Variants in PNKD observed in about 807,000 individuals in gnomAD.
PNKD encodes the protein PNKD metallo-beta-lactamase domain containing.
In PNKD, 36 loss-of-function variants were observed where a neutral mutation model predicts 45.3. The observed-to-expected ratio is 0.80, with a 90% CI of 0.61 to 1.05. The LOEUF is 1.05. Among genes scored for constraint, PNKD ranks in the 50% least tolerant of loss-of-function variants. The pLI is 0.00. For synonymous variants in PNKD, 197 were observed against 210.1 expected (o/e 0.94, Z 0.54); for missense variants, 511 against 506.6 (o/e 1.01, Z -0.08).
Position 218,277,816 on chromosome 2 carries a change from G to T in PNKD, c.236+6267G>T, listed in dbSNP as rs1052782219. On this transcript the variant is annotated intron_variant, in intron 2 of 9. Transcript: ENST00000273077. ...GCCACAGAGGAGATCAGAACAGGCG[G>T]CCCAGATAAGGTGGAGGAGACAGCC... is the stretch of plus-strand genomic sequence containing the variant. The T allele has an allele frequency of 2.7e-5, 41 of 1,542,228 alleles. No individual in the cohort carries two copies. In the Admixed American group the frequency reaches 6.8e-4, roughly 26 times the overall value.
At chr2:218,318,430 G>A (rs1447784406) in intron 2 of PNKD, among the ~76,000 whole-genome samples, 1 of 152,184 alleles carries the variant, frequency 6.6e-6, no homozygotes, top group Admixed American at 6.5e-5. Flanking sequence ...ATTATGAAGC[G>A]CCTGCCGCCA....
chr2:218,282,685 G>A (rs1028578105), intron 2 of PNKD, among the ~76,000 whole-genome samples: 3 of 152,228 alleles, frequency 2.0e-5, no homozygotes, highest in Admixed American at 1.3e-4. Flanking sequence ...GCTCAAAGTG[G>A]AGAGCCGGGG....
rs1033588968 is a variant in PNKD at position 218,279,419 on chromosome 2, G to C, written c.236+7870G>C. ...CCTGGCCTGCCCCAGGAAGCTGCCAGCCCCCAGTACTTTCCTCCCACTCAA... is the reference window on the plus strand; with the variant it reads ...CCTGGCCTGCCCCAGGAAGCTGCCACCCCCCAGTACTTTCCTCCCACTCAA... On this transcript the variant is annotated intron_variant, in intron 2 of 9. Coordinates refer to ENST00000273077, the MANE Select transcript of PNKD (RefSeq NM_015488.5). 5 of 1,444,614 alleles carry C rather than the reference G, an allele frequency of 3.5e-6. No individual in the cohort carries two copies. In the African/African-American group the frequency reaches 5.7e-5, roughly 16 times the overall value. The allele number at this position is 1,444,614 out of a possible 1,614,324, so 89.5% of individuals were successfully genotyped here.
At chr2:218,302,301 T>C (rs1174571809) in intron 2 of PNKD, among the ~76,000 whole-genome samples, 1 of 151,998 alleles carries the variant, frequency 6.6e-6, no homozygotes, top group African/African-American at 2.4e-5. Flanking sequence ...TGAGCTGAGA[T>C]AGCGCCACTG....
intron 2 of PNKD, among the ~76,000 whole-genome samples, chr2:218,314,532 G>A (rs1362870586): frequency 6.6e-6 from 1 of 151,796 alleles, no homozygotes; most frequent in Non-Finnish European, 1.5e-5. Flanking sequence ...CACCATGCCT[G>A]GCTATACTTG....
chr2:218,301,559 G>A (rs1693272245), intron 2 of PNKD, among the ~76,000 whole-genome samples: 2 of 152,208 alleles, frequency 1.3e-5, no homozygotes, highest in African/African-American at 4.8e-5. Context: ...GGCCCAGGCA[G>A]AAGCATGGCT....
chr2:218,308,389 A>C (rs1368741213), intron 2 of PNKD, among the ~76,000 whole-genome samples: 1 of 151,882 alleles, frequency 6.6e-6, no homozygotes, highest in African/African-American at 2.4e-5. Context: ...GGGTTTCACC[A>C]TATTGGCCAG....
rs1046635231 is a variant in PNKD, at chr2:218,279,950, T to A, written c.236+8401T>A. On this transcript the variant is annotated intron_variant, in intron 2 of 9. Transcript: ENST00000273077. ...TTTCATGGAATTGATGCCCTGGGGC[T>A]ACTGTGGCCTACCCACTTCCCATTC... is the stretch of plus-strand genomic sequence containing the variant. The A allele has an allele frequency of 8.7e-6, 9 of 1,037,618 alleles. No individual in the cohort carries two copies. The African/African-American group carries it at 1.4e-4, about 16-fold the overall frequency. 64.3% of individuals were successfully genotyped at this position (1,037,618 alleles called of 1,614,324 possible). A position where few individuals can be genotyped will look rare whatever the true frequency, so the allele number is the denominator to read the frequency against.
At chr2:218,334,190 A>G (rs1296014575) in intron 2 of PNKD, among the ~76,000 whole-genome samples, 2 of 152,038 alleles carry the variant, frequency 1.3e-5, no homozygotes, top group African/African-American at 4.8e-5. Context: ...GCATTCCCAT[A>G]TGCCTCTCGC....
chr2:218,330,377 T>C (rs1694284600), intron 2 of PNKD, among the ~76,000 whole-genome samples: 1 of 152,142 alleles, frequency 6.6e-6, no homozygotes, highest in Admixed American at 6.5e-5. Flanking sequence ...GGGAGGGGCG[T>C]CTGGGGGGGC....
intron 2 of PNKD, among the ~76,000 whole-genome samples, chr2:218,281,150 T>TGGTTTTTTTTTC (rs1691938106): frequency 6.8e-6 from 1 of 146,478 alleles, no homozygotes; most frequent in Admixed American, 6.7e-5. Flanking sequence ...GGTTTTTTTT[T>TGGTTTTTTTTTC]TGAGACAGAG....
intron 2 of PNKD, among the ~76,000 whole-genome samples, chr2:218,312,640 A>G (rs1459528932): frequency 6.6e-6 from 1 of 152,086 alleles, no homozygotes; most frequent in Non-Finnish European, 1.5e-5. Context: ...TGGGAGGCCA[A>G]GGTAGGTGGA....
intron 2 of PNKD, among the ~76,000 whole-genome samples, chr2:218,302,229 T>G (rs1397440785): frequency 6.6e-6 from 1 of 152,110 alleles, no homozygotes; most frequent in Non-Finnish European, 1.5e-5. Flanking sequence ...GCACATGTAG[T>G]CCCAGCTACT....
rs749634147 is a variant in PNKD, at chr2:218,323,333, TGTCCTC to T, written c.237-16444_237-16439del. On this transcript the variant is annotated intron_variant, in intron 2 of 9. Transcript: ENST00000273077. ...CCGGCTGCTGGCTCCTCCTCGTCCTTGTCCTCGTCCTACTTGTGAGCCCCCGCGGCT... is the reference window on the plus strand; with the variant it reads ...CCGGCTGCTGGCTCCTCCTCGTCCTTGTCCTACTTGTGAGCCCCCGCGGCT... 6.3e-6 allele frequency: 10 copies of T among 1,576,540 alleles called. No homozygotes were observed. In the East Asian group the frequency reaches 2.2e-4, roughly 34 times the overall value.
In PNKD at chr2:218,292,091, C is replaced by A. The variant is rs558437189; in HGVS notation, c.236+20542C>A. Among the ~76,000 whole-genome samples the A allele has an allele frequency of 5.9e-5, 9 of 152,324 alleles. No individual in the cohort carries two copies. The East Asian group carries it at 1.7e-3, about 29-fold the overall frequency. On this transcript the variant is annotated intron_variant, in intron 2 of 9. Coordinates refer to ENST00000273077, the MANE Select transcript of PNKD (RefSeq NM_015488.5). ...GCTGAGGGCCATGAAAGCCCTCATC[C>A]CACACAGCTGGCCACTCGGGCTGGC...
At chr2:218,272,525 G>A (rs1360815021) in intron 2 of PNKD, 4 of 1,606,452 alleles carry the variant, frequency 2.5e-6, no homozygotes. Context: ...CTCTGGCTCA[G>A]GCTTGGCCCC....
At chr2:218,294,276 T>C (rs1693084068) in intron 2 of PNKD, among the ~76,000 whole-genome samples, 1 of 152,238 alleles carries the variant, frequency 6.6e-6, no homozygotes, top group African/African-American at 2.4e-5. Context: ...TCTCTACACT[T>C]GTGCTGTCTT....
At chr2:218,312,976 C>CA (rs1169903185) in intron 2 of PNKD, among the ~76,000 whole-genome samples, 1 of 151,294 alleles carries the variant, frequency 6.6e-6, no homozygotes, top group Non-Finnish European at 1.5e-5. Flanking sequence ...TACAGATTTA[C>CA]AAAATATTTG....
At chr2:218,305,532 TG>T (rs1242989430) in intron 2 of PNKD, among the ~76,000 whole-genome samples, 1 of 151,906 alleles carries the variant, frequency 6.6e-6, no homozygotes, top group Non-Finnish European at 1.5e-5. Context: ...TTTAATTTTT[TG>T]TAGAGGTGGG....
Sources: allele counts gnomAD v4.1 joint callset (sites outside exome capture counted in the v4.1 genomes callset), GRCh38; gene constraint gnomAD v4.1.1; transcripts MANE v1.5; gene names NCBI Gene and HGNC (gene_info 2026-07-23, HGNC 2026-07-21).